The following GPLD1 variants were observed in gnomAD, a reference collection of about 807,000 sequenced individuals.
GPLD1 encodes glycosylphosphatidylinositol specific phospholipase D1, also known as phosphatidylinositol-glycan-specific phospholipase D.
Under a neutral mutation model 112.6 loss-of-function variants are expected in GPLD1, and 84 were observed. The ratio of observed to expected loss-of-function variants is 0.75; its 90% CI spans 0.63 to 0.89. GPLD1 has a LOEUF of 0.89. Among genes scored for constraint, GPLD1 ranks in the 40% least tolerant of loss-of-function variants. GPLD1 has a pLI of 0.00. For missense variants in GPLD1, 1,044 were observed against 1,051.5 expected, an observed-to-expected ratio of 0.99 and a Z score of 0.10; for synonymous variants, 386 against 403.8, an observed-to-expected ratio of 0.96 and a Z score of 0.53.
upstream of GPLD1, among the ~76,000 whole-genome samples, chr6:24,494,490 G>A (rs1561865022): frequency 6.6e-6 from 1 of 152,218 alleles, no homozygotes; most frequent in South Asian, 2.1e-4. Context: ...TCAATACTAC[G>A]TGCTCAGGAG....
intron 20 of GPLD1, among the ~76,000 whole-genome samples, chr6:24,438,531 G>A (rs1762649376): frequency 6.6e-6 from 1 of 152,154 alleles, no homozygotes; most frequent in African/African-American, 2.4e-5. Flanking sequence ...TTGTTTATGG[G>A]AAACTGTCCA....
At chr6:24,479,402 T>C (rs1345792301) in intron 3 of GPLD1, among the ~76,000 whole-genome samples, 2 of 152,204 alleles carry the variant, frequency 1.3e-5, no homozygotes, top group African/African-American at 2.4e-5. Context: ...CTCTTACAAA[T>C]AATAGTATCT....
chr6:24,482,414 G>T lies in GPLD1; in HGVS notation c.154-2455C>A, dbSNP rs532499189. On this transcript the variant is annotated intron_variant, in intron 2 of 24. Transcript: ENST00000230036. ...TCCTGCCTCAGCCTCCTGAGTAGCT[G>T]GGATTACAGGCACCGGTCACCACGC... is the stretch of plus-strand genomic sequence containing the variant. Among the ~76,000 whole-genome samples the T allele has an allele frequency of 2.0e-4, 31 of 151,820 alleles. No individual in the cohort carries two copies. The South Asian group carries it at 5.8e-3, about 29-fold the overall frequency.
At chr6:24,476,515 G>A (rs1360344415) in intron 3 of GPLD1, among the ~76,000 whole-genome samples, 3 of 152,134 alleles carry the variant, frequency 2.0e-5, no homozygotes, top group Non-Finnish European at 4.4e-5. Flanking sequence ...TAAGAGGGAC[G>A]GAGCCTAAAC....
chr6:24,487,988 C>T (rs1202316387), intron 1 of GPLD1, among the ~76,000 whole-genome samples: 1 of 152,100 alleles, frequency 6.6e-6, no homozygotes, highest in Non-Finnish European at 1.5e-5. Flanking sequence ...TCTTGCCCAT[C>T]GTAGCTCAGT....
At chr6:24,448,463 C>T (rs920310758) in intron 15 of GPLD1, among the ~76,000 whole-genome samples, 1 of 151,944 alleles carries the variant, frequency 6.6e-6, no homozygotes, top group African/African-American at 2.4e-5. Flanking sequence ...TTATCACCAC[C>T]CCCAATGATT....
chr6:24,469,916 A>G (rs1763741617), intron 7 of GPLD1, among the ~76,000 whole-genome samples: 1 of 152,186 alleles, frequency 6.6e-6, no homozygotes, highest in African/African-American at 2.4e-5. Context: ...CTGGAATGGC[A>G]TTCCCAATAA....
intron 4 of GPLD1, among the ~76,000 whole-genome samples, chr6:24,475,688 CA>C (rs35291266): frequency 0.68 from 77,580 of 113,288 alleles, 28,209 homozygotes; most frequent in Non-Finnish European, 0.85. Flanking sequence ...ACTAAAAATA[CA>C]AAAAAAAAAA....
At position 24,447,002 on chromosome 6, in the gene GPLD1, T is replaced by C. The variant is rs558094495; in HGVS notation, c.1679-23A>G. The C allele has an allele frequency of 5.0e-5, 81 of 1,606,786 alleles. No individual in the cohort carries two copies. In the South Asian group the frequency reaches 7.0e-4, roughly 14 times the overall value. Reference sequence around the variant, plus strand: ...TTTCTAAAGAAGACAACTCATCCTTTTTACTAATACTTTAAGTGAGAGGAC... The same window carrying C: ...TTTCTAAAGAAGACAACTCATCCTTCTTACTAATACTTTAAGTGAGAGGAC... On this transcript the variant is annotated intron_variant, in intron 17 of 24. Coordinates refer to ENST00000230036, the MANE Select transcript of GPLD1 (RefSeq NM_001503.4).
intron 10 of GPLD1, among the ~76,000 whole-genome samples, chr6:24,465,339 G>A (rs1395672678): frequency 6.6e-6 from 1 of 151,798 alleles, no homozygotes; most frequent in African/African-American, 2.4e-5. Context: ...TCAGGAGGTG[G>A]AGACCAGCCT....
Position 24,433,384 on chromosome 6 carries a change from T to G in GPLD1, c.2364A>C (p.Gln788His), listed in dbSNP as rs752117928. Residue 788 changes from glutamine (Q) to histidine (H), a missense_variant, in exon 23 of 25, where the codon CAA (glutamine) becomes CAC (histidine). By Grantham distance (24) the Gln-to-His change is conservative (BLOSUM62 0). Coordinates refer to ENST00000230036, the MANE Select transcript of GPLD1 (RefSeq NM_001503.4). ...WITPCPEEKA[Q>H]YVLISPEASS... ...TTACTTCAGGAGAAATCAATACATA[T>G]TGGGCCTGAAGAAAAAAATTGAGGA... 1.1e-5 allele frequency: 18 copies of G among 1,608,286 alleles called. No homozygotes were observed. The African/African-American group carries it at 2.1e-4, about 19-fold the overall frequency.
intron 2 of GPLD1, among the ~76,000 whole-genome samples, chr6:24,482,144 G>A (rs2744567): frequency 0.31 from 45,075 of 144,932 alleles, 7,225 homozygotes; most frequent in Non-Finnish European, 0.33. Flanking sequence ...ACTGTCACCG[G>A]GCTGGAGTGC....
intron 13 of GPLD1, among the ~76,000 whole-genome samples, chr6:24,456,149 A>C (rs1763259739): frequency 6.6e-6 from 1 of 152,216 alleles, no homozygotes; most frequent in Non-Finnish European, 1.5e-5. Flanking sequence ...CTGCAATCCC[A>C]GGACTTTGGG....
chr6:24,492,443 T>C (rs1052696747), upstream of GPLD1, among the ~76,000 whole-genome samples: 3 of 142,826 alleles, frequency 2.1e-5, no homozygotes, highest in African/African-American at 7.9e-5. Flanking sequence ...GAGGCAGACG[T>C]TGCAATGAGC....
chr6:24,488,585 C>A (rs1308104289), intron 1 of GPLD1, among the ~76,000 whole-genome samples: 3 of 152,038 alleles, frequency 2.0e-5, no homozygotes, highest in African/African-American at 7.3e-5. Flanking sequence ...TAAGAAAGAT[C>A]TTAAGTGTTC....
chr6:24,494,441 G>A (rs1200993465), upstream of GPLD1, among the ~76,000 whole-genome samples: 1 of 152,112 alleles, frequency 6.6e-6, no homozygotes, highest in Non-Finnish European at 1.5e-5. Context: ...GCAGAACGCG[G>A]GGTCACACTT....
At chr6:24,490,414 T>C (rs937669938), upstream of GPLD1, among the ~76,000 whole-genome samples, 1 of 152,020 alleles carries the variant, frequency 6.6e-6, no homozygotes, top group Non-Finnish European at 1.5e-5. Flanking sequence ...TGGGAGGAAA[T>C]AGTATTCACT....
chr6:24,448,340 G>GATTAT, intron 15 of GPLD1, 132 bp from the exon 16 acceptor site: 1 of 398,154 alleles, frequency 2.5e-6, no homozygotes, highest in Non-Finnish European at 4.9e-6. Context: ...AGTGCTTTGG[G>GATTAT]AGGCCCAAGT....
chr6:24,433,549 G>GTGGTGCAAATT, intron 22 of GPLD1, 160 bp from the exon 23 acceptor site: 1 of 557,824 alleles, frequency 1.8e-6, no homozygotes, highest in Non-Finnish European at 3.1e-6. Context: ...CTGGAGTGCA[G>GTGGTGCAAATT]TGGCGTGATC....
Sources: allele counts gnomAD v4.1 joint callset (sites outside exome capture counted in the v4.1 genomes callset), GRCh38; gene constraint gnomAD v4.1.1; transcripts MANE v1.5; gene names NCBI Gene and HGNC (gene_info 2026-07-23, HGNC 2026-07-21).